The following PTPRJ variants were observed in gnomAD, a reference collection of about 807,000 sequenced individuals.
The protein encoded by PTPRJ is protein tyrosine phosphatase receptor type J.
In PTPRJ, 129 loss-of-function variants were observed where a neutral mutation model predicts 141.3. The ratio of observed to expected loss-of-function variants is 0.91; its 90% CI spans 0.79 to 1.06. The LOEUF is 1.06. Among genes scored for constraint, PTPRJ ranks in the 50% least tolerant of loss-of-function variants. The pLI is 0.00. For synonymous variants in PTPRJ, 610 were observed against 640.5 expected, an observed-to-expected ratio of 0.95 and a Z score of 0.72; for missense variants, 1,601 against 1,679.7, an observed-to-expected ratio of 0.95 and a Z score of 0.82.
intron 1 of PTPRJ, among the ~76,000 whole-genome samples, chr11:48,086,846 A>G (rs993415122): frequency 6.6e-6 from 1 of 152,210 alleles, no homozygotes; most frequent in Non-Finnish European, 1.5e-5. Context: ...TTGAGCCATG[A>G]AATATGTTCA....
intron 22 of PTPRJ, among the ~76,000 whole-genome samples, chr11:48,160,304 C>T (rs1353185539): frequency 1.3e-5 from 2 of 152,208 alleles, no homozygotes; most frequent in Non-Finnish European, 2.9e-5. Flanking sequence ...CATGGCTCTA[C>T]ATCAGGAACT....
At chr11:48,055,886 G>C (rs568287020) in intron 1 of PTPRJ, among the ~76,000 whole-genome samples, 3 of 152,346 alleles carry the variant, frequency 2.0e-5, no homozygotes, top group South Asian at 2.1e-4. Flanking sequence ...AAAGCACTCT[G>C]ATCCCTTTCC....
chr11:48,111,773 G>A (rs1856448491), intron 2 of PTPRJ, among the ~76,000 whole-genome samples: 2 of 152,108 alleles, frequency 1.3e-5, no homozygotes, highest in Admixed American at 1.3e-4. Flanking sequence ...CGCTGTATTA[G>A]TTTGCCAGGG....
At chr11:48,113,745 G>C (rs1332412418) in intron 3 of PTPRJ, among the ~76,000 whole-genome samples, 1 of 152,178 alleles carries the variant, frequency 6.6e-6, no homozygotes, top group Non-Finnish European at 1.5e-5. Flanking sequence ...GTGGAGTCTT[G>C]CAGATTCTAT....
At chr11:48,152,180 C>T (rs1857500666) in intron 18 of PTPRJ, among the ~76,000 whole-genome samples, 1 of 152,010 alleles carries the variant, frequency 6.6e-6, no homozygotes, top group African/African-American at 2.4e-5. Context: ...TTTTGATTTG[C>T]ATTTCTCTGA....
chr11:48,100,362 C>T (rs1273320426), intron 1 of PTPRJ, among the ~76,000 whole-genome samples: 1 of 152,180 alleles, frequency 6.6e-6, no homozygotes, highest in Non-Finnish European at 1.5e-5. Flanking sequence ...AACTCTCCTT[C>T]CCAAGGCTGT....
chr11:48,014,984 G>A (rs1854913970), intron 1 of PTPRJ, among the ~76,000 whole-genome samples: 2 of 152,316 alleles, frequency 1.3e-5, no homozygotes, highest in South Asian at 4.1e-4. Context: ...GGGATTACAG[G>A]TGTGAGCCAC....
intron 1 of PTPRJ, among the ~76,000 whole-genome samples, chr11:48,044,083 G>A (rs748960307): frequency 6.6e-6 from 1 of 152,208 alleles, no homozygotes; most frequent in Non-Finnish European, 1.5e-5. Flanking sequence ...TTTTCCTCCT[G>A]CAGGAGGGAC....
intron 18 of PTPRJ, among the ~76,000 whole-genome samples, chr11:48,153,197 A>G (rs982293784): frequency 2.0e-5 from 3 of 152,176 alleles, no homozygotes; most frequent in Non-Finnish European, 4.4e-5. Context: ...GACTAAAACC[A>G]GGGGTTTATA....
intron 1 of PTPRJ, among the ~76,000 whole-genome samples, chr11:48,076,640 A>C (rs1238495401): frequency 6.6e-6 from 1 of 152,162 alleles, no homozygotes; most frequent in African/African-American, 2.4e-5. Flanking sequence ...AGCCTGTAGG[A>C]ATTGGCATCA....
intron 21 of PTPRJ, 122 bp from the exon 22 acceptor site, chr11:48,159,808 C>A: frequency 7.7e-7 from 1 of 1,291,788 alleles, no homozygotes; most frequent in East Asian, 2.4e-5. Context: ...AAACAAAACC[C>A]AACTAGAAGG....
At chr11:48,084,960 A>C (rs1212180718) in intron 1 of PTPRJ, among the ~76,000 whole-genome samples, 1 of 152,248 alleles carries the variant, frequency 6.6e-6, no homozygotes, top group African/African-American at 2.4e-5. Context: ...ATGGATTTTC[A>C]TGTAACAGAA....
chr11:48,166,006 G>A (rs1451590215), intron 24 of PTPRJ, among the ~76,000 whole-genome samples: 3 of 151,678 alleles, frequency 2.0e-5, no homozygotes, highest in Non-Finnish European at 4.4e-5. Flanking sequence ...GACTACAGGC[G>A]TGTGCCACCA....
Position 48,136,029 on chromosome 11 carries a change from T to C in PTPRJ, c.1616-10T>C. On this transcript the variant is annotated splice_polypyrimidine_tract_variant and intron_variant, in intron 8 of 24. Transcript: ENST00000418331. ...ACAGTTTTCCCTTCTCCTTCCTTTC[T>C]TCTGAGCAGTTCCCAGTGCAGTGTT... The C allele has an allele frequency of 1.9e-6, 3 of 1,611,308 alleles. No individual in the cohort carries two copies. The highest frequency in any genetic ancestry group is 2.5e-6 in the Non-Finnish European group (3 of 1,177,904).
chr11:48,123,405 C>A (rs1856753567), intron 4 of PTPRJ, among the ~76,000 whole-genome samples: 1 of 152,088 alleles, frequency 6.6e-6, no homozygotes, highest in Non-Finnish European at 1.5e-5. Context: ...TTATTTTCTC[C>A]CCCAGCCCTG....
At chr11:48,104,343 G>A (rs767739090) in intron 1 of PTPRJ, among the ~76,000 whole-genome samples, 2 of 152,164 alleles carry the variant, frequency 1.3e-5, no homozygotes, top group Non-Finnish European at 2.9e-5. Flanking sequence ...ATCTTCACAA[G>A]GCAGATAAAT....
Position 48,144,681 on chromosome 11 carries a change from A to T in PTPRJ, c.2582A>T (p.His861Leu), listed in dbSNP as rs1265678411. The T allele has an allele frequency of 1.2e-6, 2 of 1,613,354 alleles. No homozygotes were observed. The highest frequency in any genetic ancestry group is 2.2e-5 in the South Asian group (2 of 91,028). The change falls in exon 13 of 25, where the codon CAC becomes CTC. Residue 861 changes from histidine (H) to leucine (L), a missense_variant. Physicochemically the swap from His to Leu is moderately conservative, Grantham distance 99. Coordinates refer to ENST00000418331, the MANE Select transcript of PTPRJ (RefSeq NM_002843.4). ...TTCTGTGTACCTTTCTTAGCTGGTC[A>T]CCCTTCTGCAGATGTCCTGAAATAC... ...AVILTTGEAG[H>L]PSADVLKYTY...
intron 1 of PTPRJ, 145 bp from the exon 2 acceptor site, chr11:48,109,913 G>A (rs1856395305): frequency 1.2e-6 from 1 of 833,674 alleles, no homozygotes; most frequent in Non-Finnish European, 2.0e-6. Flanking sequence ...GTCCCAAGAC[G>A]GCCTAACCCT....
intron 1 of PTPRJ, among the ~76,000 whole-genome samples, chr11:48,061,143 A>G (rs1039083268): frequency 6.6e-6 from 1 of 151,982 alleles, no homozygotes; most frequent in African/African-American, 2.4e-5. Flanking sequence ...CACCTGGCTA[A>G]TTTTGTATTT....
Sources: gnomAD v4.1 joint callset for allele counts (sites outside exome capture counted in the v4.1 genomes callset) on GRCh38, gnomAD v4.1.1 for gene constraint, MANE v1.5 for transcripts, NCBI Gene and HGNC (gene_info 2026-07-23, HGNC 2026-07-21) for gene names.